CFAP206: variants seen among roughly 807,000 people sequenced by gnomAD.
The protein encoded by CFAP206 is cilia- and flagella-associated protein 206.
In CFAP206, 53 loss-of-function variants were observed where a neutral mutation model predicts 65.4. That is an observed-to-expected ratio of 0.81 (90% CI 0.65 to 1.02). The LOEUF is 1.02. Ranked by LOEUF, CFAP206 falls within the 50% of genes least tolerant of loss-of-function variation. CFAP206 has a pLI of 0.00. For missense variants in CFAP206, 663 were observed against 753.2 expected, an observed-to-expected ratio of 0.88 and a Z score of 1.40; for synonymous variants, 250 against 254.4, an observed-to-expected ratio of 0.98 and a Z score of 0.17.
intron 7 of CFAP206, among the ~76,000 whole-genome samples, chr6:87,424,793 T>C (rs6454622): frequency 0.36 from 54,700 of 152,020 alleles, 11,178 homozygotes; most frequent in African/African-American, 0.56. Context: ...GTTTGTGTCA[T>C]ACAAAAAGTT....
intron 9 of CFAP206, 50 bp from the exon 10 acceptor site, chr6:87,430,983 A>G: frequency 1.9e-6 from 3 of 1,576,134 alleles, no homozygotes; most frequent in Non-Finnish European, 2.6e-6. Context: ...TATTTTGGAA[A>G]TTTAACCTTC....
intron 11 of CFAP206, among the ~76,000 whole-genome samples, chr6:87,439,607 G>C (rs1768331179): frequency 1.3e-5 from 2 of 151,894 alleles, no homozygotes; most frequent in South Asian, 4.1e-4. Flanking sequence ...TCTTGTTTAA[G>C]AAGTTCTTAC....
chr6:87,414,150 AATT>A lies in CFAP206; in HGVS notation c.283+252_283+254del, dbSNP rs756054604. 4.6e-5 allele frequency among the ~76,000 whole-genome samples: 7 copies of A among 152,338 alleles called. No homozygotes were observed. The East Asian group carries it at 5.8e-4, about 13-fold the overall frequency. ...GTTTCCAGTGGCACTAATACATAATAATTAGGAATTCAGCCCATTGAAGTTAAA... is the reference window on the plus strand; with the variant it reads ...GTTTCCAGTGGCACTAATACATAATAAGGAATTCAGCCCATTGAAGTTAAA... On this transcript the variant is annotated intron_variant, in intron 4 of 12. Transcript: ENST00000369562.
intron 3 of CFAP206, among the ~76,000 whole-genome samples, chr6:87,412,843 T>G (rs1484658195): frequency 1.3e-5 from 2 of 152,044 alleles, no homozygotes; most frequent in Non-Finnish European, 2.9e-5. Context: ...GTATTTTTAG[T>G]AGAGACGGGT....
At chr6:87,431,395 A>G (rs528459523) in intron 10 of CFAP206, among the ~76,000 whole-genome samples, 66 of 152,350 alleles carry the variant, frequency 4.3e-4, no homozygotes, top group Non-Finnish European at 7.2e-4. Flanking sequence ...GAAAGTGTAT[A>G]TGTGTTATGA....
At chr6:87,415,012 AG>A (rs1767801266) in intron 4 of CFAP206, among the ~76,000 whole-genome samples, 2 of 152,184 alleles carry the variant, frequency 1.3e-5, no homozygotes, top group Admixed American at 1.3e-4. Flanking sequence ...ACCTTGTAAT[AG>A]TAATATGGGT....
intron 11 of CFAP206, among the ~76,000 whole-genome samples, chr6:87,444,176 A>T (rs1299994190): frequency 6.6e-6 from 1 of 152,160 alleles, no homozygotes; most frequent in Non-Finnish European, 1.5e-5. Context: ...AAAGTTTGTA[A>T]TTCCTAGTAG....
chr6:87,443,793 AG>A (rs1768393741), intron 11 of CFAP206, among the ~76,000 whole-genome samples: 2 of 152,082 alleles, frequency 1.3e-5, no homozygotes, highest in Non-Finnish European at 2.9e-5. Context: ...CCACTCTAGT[AG>A]CCCCCAGTAT....
intron 11 of CFAP206, among the ~76,000 whole-genome samples, chr6:87,451,033 A>C (rs1335429251): frequency 1.3e-5 from 2 of 152,182 alleles, no homozygotes; most frequent in African/African-American, 2.4e-5. Context: ...TGTCCATCTC[A>C]GCAGTTGGAA....
chr6:87,434,869 CA>C lies in CFAP206; in HGVS notation c.1312del (p.Ile438LeufsTer4). On this transcript the variant is annotated frameshift_variant, in exon 11 of 13. Coordinates refer to ENST00000369562, the MANE Select transcript of CFAP206 (RefSeq NM_001031743.3). LOFTEE classifies it high-confidence loss of function. ...CTTTTTTTATTTTCAGGAAATCCAG[CA>C]ATTGGAATTTTAAAATATAAAGAAA... ...TDGLLLPGNP[A>X]IGILKYKEKY... The C allele has an allele frequency of 7.5e-7, 1 of 1,342,130 alleles. No individual in the cohort carries two copies. The highest frequency in any genetic ancestry group is 2.4e-5 in the East Asian group (1 of 41,950). The allele number at this position is 1,342,130 out of a possible 1,614,324, so 83.1% of individuals were successfully genotyped here.
intron 11 of CFAP206, among the ~76,000 whole-genome samples, chr6:87,457,572 ACAGT>A (rs1393335000): frequency 2.0e-5 from 3 of 152,256 alleles, no homozygotes; most frequent in Non-Finnish European, 4.4e-5. Flanking sequence ...TGGGGAAAGG[ACAGT>A]CTCTTCAATA....
chr6:87,446,903 C>A (rs1221401111), intron 11 of CFAP206, among the ~76,000 whole-genome samples: 1 of 152,062 alleles, frequency 6.6e-6, no homozygotes, highest in Non-Finnish European at 1.5e-5. Context: ...TGAAGAGGTC[C>A]TTCACTTCCC....
intron 10 of CFAP206, among the ~76,000 whole-genome samples, chr6:87,431,871 G>T (rs1391152735): frequency 6.6e-6 from 1 of 152,186 alleles, no homozygotes; most frequent in Non-Finnish European, 1.5e-5. Flanking sequence ...AATATTCTTT[G>T]TTACTTTGCA....
chr6:87,435,100 G>A (rs764630305), intron 11 of CFAP206, 47 bp downstream of exon 11: 1 of 1,382,798 alleles, frequency 7.2e-7, no homozygotes, highest in Non-Finnish European at 1.0e-6. Flanking sequence ...TAAAAATATA[G>A]TTAATTTAAA....
At chr6:87,463,764 C>G (rs1216956219) in intron 12 of CFAP206, among the ~76,000 whole-genome samples, 5 of 152,072 alleles carry the variant, frequency 3.3e-5, no homozygotes, top group Non-Finnish European at 7.4e-5. Flanking sequence ...GTTGAGTTCA[C>G]TGTAATTTTG....
chr6:87,414,804 T>A (rs2127947624), intron 4 of CFAP206, among the ~76,000 whole-genome samples: 1 of 152,328 alleles, frequency 6.6e-6, no homozygotes, highest in African/African-American at 2.4e-5. Context: ...TTATGCTACC[T>A]ATGTAAAAGT....
chr6:87,414,377 A>C (rs1295150169), intron 4 of CFAP206, among the ~76,000 whole-genome samples: 2 of 152,216 alleles, frequency 1.3e-5, no homozygotes, highest in Admixed American at 1.3e-4. Context: ...AGATCACTGC[A>C]ACCTCTGACT....
chr6:87,430,990 C>T (rs184047157), intron 9 of CFAP206, 43 bp from the exon 10 acceptor site: 8 of 1,587,718 alleles, frequency 5.0e-6, no homozygotes, highest in African/African-American at 1.4e-5. Context: ...GAAATTTAAC[C>T]TTCTCACTGA....
At chr6:87,463,965 T>C in intron 12 of CFAP206, 55 bp from the exon 13 acceptor site, 2 of 1,405,470 alleles carry the variant, frequency 1.4e-6, no homozygotes, top group Non-Finnish European at 9.8e-7. Flanking sequence ...TGATAATATT[T>C]TATGTTATTT....
Sources: allele counts gnomAD v4.1 joint callset (sites outside exome capture counted in the v4.1 genomes callset), GRCh38; gene constraint gnomAD v4.1.1; transcripts MANE v1.5; gene names NCBI Gene and HGNC (gene_info 2026-07-23, HGNC 2026-07-21).